The following WDR7 variants were observed in gnomAD, a reference collection of about 807,000 sequenced individuals.
The protein encoded by WDR7 is WD repeat domain 7.
Under a neutral mutation model 169.4 loss-of-function variants are expected in WDR7, and 46 were observed. The observed-to-expected ratio is 0.27, with a 90% CI of 0.21 to 0.35. WDR7 has a LOEUF of 0.35. Among genes scored for constraint, WDR7 ranks in the 10% least tolerant of loss-of-function variants. The pLI, the probability that WDR7 is intolerant of heterozygous loss-of-function variation, is 1.00. For synonymous variants in WDR7, 612 were observed against 666.8 expected (o/e 0.92, Z 1.27); for missense variants, 1,534 against 1,859.3 (o/e 0.83, Z 3.22).
chr18:56,952,204 C>T (rs2145740696), intron 25 of WDR7, among the ~76,000 whole-genome samples: 1 of 152,316 alleles, frequency 6.6e-6, no homozygotes, highest in South Asian at 2.1e-4. Flanking sequence ...GGGACTGCCT[C>T]TGGTGAGACA....
At chr18:56,812,267 A>C (rs962691379) in intron 19 of WDR7, among the ~76,000 whole-genome samples, 6 of 152,184 alleles carry the variant, frequency 3.9e-5, no homozygotes, top group African/African-American at 4.8e-5. Flanking sequence ...TTAGGTGTCC[A>C]TTGTTCATTA....
At chr18:56,854,394 T>C (rs575369295) in intron 20 of WDR7, among the ~76,000 whole-genome samples, 130 of 152,326 alleles carry the variant, frequency 8.5e-4, no homozygotes, top group Middle Eastern at 3.4e-3. Flanking sequence ...AAGAGTTGCA[T>C]TGGGCAAGGC....
At chr18:56,776,671 TTC>T in intron 16 of WDR7, 109 bp from the exon 17 acceptor site, 1 of 833,040 alleles carries the variant, frequency 1.2e-6, no homozygotes, top group Admixed American at 1.9e-5. Flanking sequence ...CAGTTCTACA[TTC>T]TCTGTTTTGC....
intron 21 of WDR7, among the ~76,000 whole-genome samples, chr18:56,899,858 G>T (rs768459568): frequency 6.6e-6 from 1 of 151,962 alleles, no homozygotes; most frequent in Non-Finnish European, 1.5e-5. Context: ...CATTGACAAA[G>T]TGCTGACACA....
rs1348919512 is a variant in WDR7 at position 56,693,112 on chromosome 18, T to C, written c.966+1295T>C. On this transcript the variant is annotated intron_variant, in intron 9 of 27. Transcript: ENST00000254442. Reference sequence around the variant, plus strand: ...GTAAAGTCAAACGATTGGTTATGCTTAATATGTGTAGTTTCCATTGGCTAA... The same window carrying C: ...GTAAAGTCAAACGATTGGTTATGCTCAATATGTGTAGTTTCCATTGGCTAA... 2.0e-5 allele frequency among the ~76,000 whole-genome samples: 3 copies of C among 152,330 alleles called. No individual in the cohort carries two copies. The South Asian group carries it at 6.2e-4, about 32-fold the overall frequency.
intron 26 of WDR7, among the ~76,000 whole-genome samples, chr18:56,970,165 C>T (rs1453766420): frequency 2.0e-5 from 3 of 151,944 alleles, no homozygotes; most frequent in East Asian, 3.9e-4. Flanking sequence ...CTGTTCCCTC[C>T]TGCTGCAGGA....
chr18:56,840,853 A>G (rs1225472908), intron 20 of WDR7, among the ~76,000 whole-genome samples: 1 of 151,838 alleles, frequency 6.6e-6, no homozygotes, highest in African/African-American at 2.4e-5. Context: ...CATTTCCCAC[A>G]TTTCTACAAT....
At chr18:56,930,572 A>G (rs143889622) in intron 22 of WDR7, among the ~76,000 whole-genome samples, 4 of 152,346 alleles carry the variant, frequency 2.6e-5, no homozygotes, top group African/African-American at 9.6e-5. Flanking sequence ...TAGGAACTCA[A>G]TGCCACCTGC....
chr18:56,703,189 A>G (rs2025869661), intron 12 of WDR7, among the ~76,000 whole-genome samples: 1 of 152,250 alleles, frequency 6.6e-6, no homozygotes, highest in African/African-American at 2.4e-5. Flanking sequence ...TATTAAAACC[A>G]GTATTAGATT....
At position 56,944,781 on chromosome 18, in the gene WDR7, G is replaced by A. The variant is rs1157929393; in HGVS notation, c.4064+5388G>A. ...GTTGATATTAAAACATGGGATTATA[G>A]CAATGCATAATTAATAATATATTTT... On this transcript the variant is annotated intron_variant, in intron 25 of 27. Coordinates refer to ENST00000254442, the MANE Select transcript of WDR7 (RefSeq NM_015285.3). 3.9e-5 allele frequency among the ~76,000 whole-genome samples: 6 copies of A among 152,170 alleles called. No homozygotes were observed. The South Asian group carries it at 8.3e-4, about 21-fold the overall frequency.
intron 19 of WDR7, among the ~76,000 whole-genome samples, chr18:56,799,194 GTAT>G (rs1358487441): frequency 6.6e-6 from 1 of 152,172 alleles, no homozygotes; most frequent in Non-Finnish European, 1.5e-5. Context: ...GGAAAATAGA[GTAT>G]TTGGAGGTGC....
chr18:56,707,999 T>C (rs1434416130), intron 12 of WDR7, among the ~76,000 whole-genome samples: 1 of 151,782 alleles, frequency 6.6e-6, no homozygotes, highest in African/African-American at 2.4e-5. Flanking sequence ...TCTGTGGCTG[T>C]ATCAGAGGTG....
At chr18:56,703,712 A>C (rs970110790) in intron 12 of WDR7, among the ~76,000 whole-genome samples, 1 of 152,140 alleles carries the variant, frequency 6.6e-6, no homozygotes, top group Non-Finnish European at 1.5e-5. Flanking sequence ...TTCTAAAGAC[A>C]TCATATTTGT....
At position 56,907,390 on chromosome 18, in the gene WDR7, A is replaced by G. The variant is rs923587964; in HGVS notation, c.3527-16532A>G. ...ACCTCACTTCTTATGGATGCCTTCT[A>G]TTACCATGGAGGGAATGCCGGTTTT... is the stretch of plus-strand genomic sequence containing the variant. On this transcript the variant is annotated intron_variant, in intron 21 of 27. Coordinates refer to ENST00000254442, the MANE Select transcript of WDR7 (RefSeq NM_015285.3). Among the ~76,000 whole-genome samples the G allele has an allele frequency of 2.0e-5, 3 of 152,116 alleles. No individual in the cohort carries two copies. The East Asian group carries it at 5.8e-4, about 29-fold the overall frequency.
chr18:56,809,385 T>C (rs1452071662), intron 19 of WDR7, among the ~76,000 whole-genome samples: 2 of 151,680 alleles, frequency 1.3e-5, no homozygotes, highest in Non-Finnish European at 2.9e-5. Flanking sequence ...ATTGAACCTT[T>C]ATGAGATTTT....
intron 1 of WDR7, among the ~76,000 whole-genome samples, chr18:56,665,286 T>A (rs1326725096): frequency 7.8e-5 from 5 of 64,026 alleles, no homozygotes; most frequent in Middle Eastern, 8.2e-3. Flanking sequence ...AGAGTAAAAC[T>A]CCATCTAAAA....
chr18:56,935,084 A>G (rs1396003046), intron 22 of WDR7, among the ~76,000 whole-genome samples: 1 of 152,096 alleles, frequency 6.6e-6, no homozygotes, highest in South Asian at 2.1e-4. Context: ...GCATTCTCGG[A>G]GTTTGGGAAG....
intron 21 of WDR7, among the ~76,000 whole-genome samples, chr18:56,900,231 A>G (rs1372956884): frequency 6.6e-6 from 1 of 151,926 alleles, no homozygotes; most frequent in Non-Finnish European, 1.5e-5. Flanking sequence ...ATAGTAACTG[A>G]ATTGTACTAC....
chr18:56,712,010 G>A (rs921846063), intron 12 of WDR7, among the ~76,000 whole-genome samples: 7 of 152,120 alleles, frequency 4.6e-5, no homozygotes, highest in African/African-American at 9.7e-5. Context: ...TGTGTTTAGC[G>A]ACTATTCAGG....
Sources: gnomAD v4.1 joint callset for allele counts (sites outside exome capture counted in the v4.1 genomes callset) on GRCh38, gnomAD v4.1.1 for gene constraint, MANE v1.5 for transcripts, NCBI Gene and HGNC (gene_info 2026-07-23, HGNC 2026-07-21) for gene names.